The following PLA2G2E variants were observed in gnomAD, a reference collection of about 807,000 sequenced individuals.
PLA2G2E encodes group IIE secretory phospholipase A2.
PLA2G2E carries 14 observed loss-of-function variants against 16.5 expected under a neutral mutation model. That is an observed-to-expected ratio of 0.85 (90% confidence interval 0.56 to 1.33). The LOEUF is 1.33. Among genes scored for constraint, PLA2G2E ranks in the 40% most tolerant of loss-of-function variants. The pLI is 0.00. For missense variants in PLA2G2E, 174 were observed against 190.7 expected, an observed-to-expected ratio of 0.91 and a Z score of 0.52; for synonymous variants, 72 against 77.2, an observed-to-expected ratio of 0.93 and a Z score of 0.36.
At position 19,922,261 on chromosome 1, in the gene PLA2G2E, G is replaced by T. The variant is rs573533715; in HGVS notation, c.286+37C>A. 16 of 1,462,214 alleles carry T rather than the reference G, an allele frequency of 1.1e-5. No homozygotes were observed. The South Asian group carries it at 1.6e-4, about 15-fold the overall frequency. The allele number at this position is 1,462,214 out of a possible 1,614,324, so 90.6% of individuals were successfully genotyped here. On this transcript the variant is annotated intron_variant, in intron 3 of 3. Coordinates refer to ENST00000375116, the MANE Select transcript of PLA2G2E (RefSeq NM_014589.3). ...TTAAGCTGCCTCCACCCACCTCACC[G>T]CAGGGTGTCTAGGTCACTTCAGGGC...
rs2045805004 is a variant in PLA2G2E, at chr1:19,920,387, G to A, written c.349C>T (p.Arg117Cys). ...CGGTTGTAGGTGCCCAGGTTGCGGC[G>A]AAAGCAGAGGGCAGCCCTCTTGTCA... is the stretch of plus-strand genomic sequence containing the variant. ...ECDKRAALCF[R>C]RNLGTYNRKY... Residue 117 changes from arginine to cysteine, a missense_variant, in exon 4 of 4, where the codon CGC (arginine) becomes TGC (cysteine). Arg to Cys is a radical substitution (Grantham distance 180). Coordinates refer to ENST00000375116, the MANE Select transcript of PLA2G2E (RefSeq NM_014589.3). The surrounding 1 kb of genome is among the most constrained non-coding windows in gnomAD (Gnocchi z 4.3). 1.9e-6 allele frequency: 3 copies of A among 1,613,922 alleles called. No individual in the cohort carries two copies. Among genetic ancestry groups the A allele is most frequent in the Admixed American group, 1.7e-5 (1 of 60,028 alleles).
intron 3 of PLA2G2E, 96 bp downstream of exon 3, chr1:19,922,202 G>T: frequency 1.2e-6 from 1 of 816,946 alleles, no homozygotes; most frequent in Non-Finnish European, 2.0e-6. Flanking sequence ...GCTCTGATAA[G>T]GCCCAAGGTC....
intron 3 of PLA2G2E, among the ~76,000 whole-genome samples, chr1:19,921,085 C>T (rs1041688925): frequency 3.9e-5 from 6 of 152,232 alleles, no homozygotes; most frequent in Non-Finnish European, 7.3e-5. Context: ...CTCCTGTCTC[C>T]ACTGCAGCTG....
chr1:19,920,334 C>T lies in PLA2G2E; in HGVS notation c.402G>A (p.Leu134=), dbSNP rs746301052. 1.9e-5 allele frequency: 30 copies of T among 1,613,102 alleles called. 1 individual carries two copies. In the East Asian group the frequency reaches 6.5e-4, roughly 35 times the overall value. ...AGCAGGGCGGGGTGGGCCCGGTGCACAGCTTGTTGGGATAATGGGCATATT... is the reference window on the plus strand; with the variant it reads ...AGCAGGGCGGGGTGGGCCCGGTGCATAGCTTGTTGGGATAATGGGCATATT... ...NRKYAHYPNK[L]CTGPTPPC The change falls in exon 4 of 4, where the codon CTG becomes CTA. Residue 134 remains leucine, a synonymous_variant. Coordinates refer to ENST00000375116, the MANE Select transcript of PLA2G2E (RefSeq NM_014589.3). The surrounding 1 kb of genome is among the most constrained non-coding windows in gnomAD (Gnocchi z 4.3).
Position 19,920,447 on chromosome 1 carries a change from C to T in PLA2G2E, c.289G>A (p.Gly97Ser), listed in dbSNP as rs747306185. The change falls in exon 4 of 4, where the codon GGC becomes AGC. Residue 97 changes from glycine (G) to serine (S), a missense_variant and splice_region_variant. Coordinates refer to ENST00000375116, the MANE Select transcript of PLA2G2E (RefSeq NM_014589.3). The surrounding 1 kb of genome is among the most constrained non-coding windows in gnomAD (Gnocchi z 4.3). The part of the protein sequence containing the change: ...SVSERGIFCA[G>S]RTTCQRLTCE... ...GTCAGCCGCTGGCAGGTGGTCCTGCCGGCTGGATGGGACAAAGTGAGTCAG... is the reference window on the plus strand; with the variant it reads ...GTCAGCCGCTGGCAGGTGGTCCTGCTGGCTGGATGGGACAAAGTGAGTCAG... The T allele has an allele frequency of 8.1e-6, 13 of 1,613,284 alleles. No homozygotes were observed. The Admixed American group carries it at 1.3e-4, about 17-fold the overall frequency.
At chr1:19,922,504 A>G (rs2045824124) in intron 2 of PLA2G2E, 100 bp from the exon 3 acceptor site, 1 of 1,545,638 alleles carries the variant, frequency 6.5e-7, no homozygotes, top group Admixed American at 1.8e-5. Context: ...CAGAGGAGAG[A>G]TCAGCCTGAA....
rs61753361 is a variant in PLA2G2E at position 19,923,569 on chromosome 1, G to T, written c.-10C>A. Reference sequence around the variant, plus strand: ...CGTGGGGAGATTTCATCCCAGGTTGGGGGGAAGGGAGGTGCACAAGGAGCA... The same window carrying T: ...CGTGGGGAGATTTCATCCCAGGTTGTGGGGAAGGGAGGTGCACAAGGAGCA... On this transcript the variant is annotated 5_prime_UTR_variant, in exon 1 of 4. Transcript: ENST00000375116. 3 of 1,549,972 alleles carry T rather than the reference G, an allele frequency of 1.9e-6. No individual in the cohort carries two copies. The highest frequency in any genetic ancestry group is 1.7e-4 in the Middle Eastern group (1 of 5,884).
intron 1 of PLA2G2E, 73 bp downstream of exon 1, chr1:19,923,447 A>G: frequency 7.6e-7 from 1 of 1,322,412 alleles, no homozygotes; most frequent in Non-Finnish European, 1.0e-6. Context: ...CGGTAGGGCC[A>G]GGCTCAGGGG....
chr1:19,921,269 C>T (rs562021931), intron 3 of PLA2G2E, among the ~76,000 whole-genome samples: 2 of 152,344 alleles, frequency 1.3e-5, no homozygotes, highest in African/African-American at 2.4e-5. Flanking sequence ...GGACTCTTAA[C>T]GCCGAGCCGG....
At position 19,920,587 on chromosome 1, in the gene PLA2G2E, G is replaced by A. The variant is rs1311737822; in HGVS notation, c.287-138C>T. 4.9e-6 allele frequency: 4 copies of A among 810,318 alleles called. No homozygotes were observed. Among genetic ancestry groups the A allele is most frequent in the South Asian group, 1.8e-5 (1 of 56,406 alleles). 50.2% of individuals were successfully genotyped at this position (810,318 alleles called of 1,614,324 possible). ...AGCCCAAGCTCCCGGGTTGTTTCAC[G>A]GATGGGTGAGACAAGAGACAAGGGC... On this transcript the variant is annotated intron_variant, in intron 3 of 3. Coordinates refer to ENST00000375116, the MANE Select transcript of PLA2G2E (RefSeq NM_014589.3). This position sits in a 1 kb window ranked among gnomAD's most constrained non-coding sequence, Gnocchi z 4.3.
In PLA2G2E at chr1:19,920,367, G is replaced by A; in HGVS notation, c.369C>T (p.Tyr123=). The part of the protein sequence containing the change: ...ALCFRRNLGT[Y]NRKYAHYPNK... ...TGGGATAATGGGCATATTTGCGGTT[G>A]TAGGTGCCCAGGTTGCGGCGAAAGC... The change falls in exon 4 of 4, where the codon TAC becomes TAT. Residue 123 remains tyrosine (Y), a synonymous_variant. Coordinates refer to ENST00000375116, the MANE Select transcript of PLA2G2E (RefSeq NM_014589.3). This position sits in a 1 kb window ranked among gnomAD's most constrained non-coding sequence, Gnocchi z 4.3. 1 of 1,613,864 alleles carries A rather than the reference G, an allele frequency of 6.2e-7. No individual in the cohort carries two copies. Among genetic ancestry groups the A allele is most frequent in the South Asian group, 1.1e-5 (1 of 91,064 alleles).
chr1:19,922,761 G>T lies in PLA2G2E; in HGVS notation c.41-6C>A, dbSNP rs1343595935. The T allele has an allele frequency of 3.2e-6, 5 of 1,579,026 alleles. No homozygotes were observed. On this transcript the variant is annotated splice_polypyrimidine_tract_variant and splice_region_variant and intron_variant, in intron 1 of 3. Coordinates refer to ENST00000375116, the MANE Select transcript of PLA2G2E (RefSeq NM_014589.3). ...GTTCCCGGTGACCAGAGCCACTGCAGAGAGGGAGAGGGAGAGGGAGAGGGA... is the reference window on the plus strand; with the variant it reads ...GTTCCCGGTGACCAGAGCCACTGCATAGAGGGAGAGGGAGAGGGAGAGGGA...
At chr1:19,921,264 CTT>C (rs2045811968) in intron 3 of PLA2G2E, among the ~76,000 whole-genome samples, 1 of 152,244 alleles carries the variant, frequency 6.6e-6, no homozygotes. Flanking sequence ...GGAAGGGACT[CTT>C]AACGCCGAGC....
Position 19,920,597 on chromosome 1 carries a change from G to C in PLA2G2E, c.287-148C>G, listed in dbSNP as rs2045807074. The C allele has an allele frequency of 1.4e-6, 1 of 735,842 alleles. No individual in the cohort carries two copies. Among genetic ancestry groups the C allele is most frequent in the South Asian group, 1.8e-5 (1 of 54,334 alleles). The allele number at this position is 735,842 out of a possible 1,614,324, so 45.6% of individuals were successfully genotyped here. A position where few individuals can be genotyped will look rare whatever the true frequency, so the allele number is the denominator to read the frequency against. ...CCCGGGTTGTTTCACGGATGGGTGA[G>C]ACAAGAGACAAGGGCGGGGCGCACT... On this transcript the variant is annotated intron_variant, in intron 3 of 3. Coordinates refer to ENST00000375116, the MANE Select transcript of PLA2G2E (RefSeq NM_014589.3). This position sits in a 1 kb window ranked among gnomAD's most constrained non-coding sequence, Gnocchi z 4.3.
intron 1 of PLA2G2E, among the ~76,000 whole-genome samples, chr1:19,923,152 T>A (rs1328299152): frequency 6.6e-6 from 1 of 152,168 alleles, no homozygotes; most frequent in Non-Finnish European, 1.5e-5. Context: ...CCTGACCACC[T>A]CAGCTGACCT....
At position 19,922,782 on chromosome 1, in the gene PLA2G2E, A is replaced by AGGGAGT. The variant is rs563350203; in HGVS notation, c.41-28_41-27insACTCCC. ...TGCAGAGAGGGAGAGGGAGAGGGAGAGGGAGGGCCCCACCCTCTGCAGCCA... is the reference window on the plus strand; with the variant it reads ...TGCAGAGAGGGAGAGGGAGAGGGAGAGGGAGTGGGAGGGCCCCACCCTCTGCAGCCA... On this transcript the variant is annotated intron_variant, in intron 1 of 3. Coordinates refer to ENST00000375116, the MANE Select transcript of PLA2G2E (RefSeq NM_014589.3). 460 of 1,610,638 alleles carry AGGGAGT rather than the reference A, an allele frequency of 2.9e-4. No homozygotes were observed. The African/African-American group carries it at 5.1e-3, about 18-fold the overall frequency.
chr1:19,923,569 G>A lies in PLA2G2E; in HGVS notation c.-10C>T, dbSNP rs61753361. The stretch of plus-strand genomic sequence containing the variant: ...CGTGGGGAGATTTCATCCCAGGTTG[G>A]GGGGAAGGGAGGTGCACAAGGAGCA... On this transcript the variant is annotated 5_prime_UTR_variant, in exon 1 of 4. Transcript: ENST00000375116. 94 of 1,549,854 alleles carry A rather than the reference G, an allele frequency of 6.1e-5. No individual in the cohort carries two copies. The highest frequency in any genetic ancestry group is 7.2e-5 in the Non-Finnish European group (83 of 1,146,226).
chr1:19,921,610 G>C (rs934243600), intron 3 of PLA2G2E, among the ~76,000 whole-genome samples: 2 of 152,248 alleles, frequency 1.3e-5, no homozygotes, highest in Non-Finnish European at 1.5e-5. Flanking sequence ...CGCCAGGACA[G>C]AATTTAGAGA....
intron 3 of PLA2G2E, 69 bp downstream of exon 3, chr1:19,922,229 T>G (rs1466394442): frequency 1.0e-5 from 11 of 1,090,302 alleles, no homozygotes; most frequent in Non-Finnish European, 1.5e-5. Context: ...AGGAGGGGCT[T>G]CCTGTCTTAA....
Sources: allele counts gnomAD v4.1 joint callset (sites outside exome capture counted in the v4.1 genomes callset), GRCh38; gene constraint gnomAD v4.1.1; non-coding constraint Gnocchi (gnomAD v3.1); transcripts MANE v1.5; gene names NCBI Gene and HGNC (gene_info 2026-07-23, HGNC 2026-07-21).